Variants in FAM53A observed in about 807,000 individuals in gnomAD.
FAM53A encodes the protein family with sequence similarity 53 member A.
A neutral mutation model predicts 26.6 loss-of-function variants in FAM53A; 28 were observed. That is an observed-to-expected ratio of 1.05 (90% CI 0.78 to 1.45). The LOEUF (loss-of-function observed/expected upper bound fraction) is 1.45, where lower values mean the gene tolerates loss of function less well. Ranked by LOEUF, FAM53A falls within the 40% of genes most tolerant of loss-of-function variation. The pLI is 0.00. For synonymous variants in FAM53A, 290 were observed against 253.1 expected (o/e 1.15, Z -1.38); for missense variants, 650 against 575.8 (o/e 1.13, Z -1.32).
chr4:1,610,925 C>A, the FAM53A span, among the ~76,000 whole-genome samples: 1 of 152,224 alleles, frequency 6.6e-6, no homozygotes, highest in African/African-American at 2.4e-5. Flanking sequence ...CGCAGCACAC[C>A]CGAGGCCCTC....
chr4:1,619,551 C>T (rs1431129447), intron 1 of FAM53A, among the ~76,000 whole-genome samples: 5 of 152,242 alleles, frequency 3.3e-5, no homozygotes, highest in Non-Finnish European at 5.9e-5. Flanking sequence ...CCCTCCCGCA[C>T]CAGGTGCTGG....
chr4:1,630,767 G>A lies in FAM53A; in HGVS notation c.432-12656C>T, dbSNP rs566126444. 2.8e-4 allele frequency among the ~76,000 whole-genome samples: 43 copies of A among 152,256 alleles called. No homozygotes were observed. The highest frequency in any genetic ancestry group is 9.9e-4 in the African/African-American group (41 of 41,552). ...GCCAGGGCAGGGCAGGGTGGGGAGC[G>A]CCCACTCGTGGGGAGGGGGCTCATT... On this transcript the variant is annotated intron_variant, in intron 1 of 1. Coordinates refer to the FAM53A transcript ENST00000489029. This position sits in a 1 kb window ranked among gnomAD's most constrained non-coding sequence, Gnocchi z 4.3.
At chr4:1,655,750 G>C (rs1423695452) in intron 3 of FAM53A, 27 bp from the exon 4 acceptor site, 4 of 1,515,986 alleles carry the variant, frequency 2.6e-6, no homozygotes, top group Non-Finnish European at 3.5e-6. Context: ...AAAGAGGCAG[G>C]GGAAGAGACA....
intron 1 of FAM53A, among the ~76,000 whole-genome samples, chr4:1,670,452 C>A (rs1442183455): frequency 3.3e-5 from 5 of 152,246 alleles, no homozygotes; most frequent in African/African-American, 1.2e-4. Flanking sequence ...GTCCAGGGGA[C>A]TGGGCAGACC....
At chr4:1,622,315 G>A (rs1052903564) in intron 1 of FAM53A, among the ~76,000 whole-genome samples, 2 of 152,218 alleles carry the variant, frequency 1.3e-5, no homozygotes, top group Non-Finnish European at 2.9e-5. Flanking sequence ...CAGAACAAAG[G>A]CGGCTGCTTC....
At chr4:1,647,572 T>C (rs1712355599) in intron 4 of FAM53A, among the ~76,000 whole-genome samples, 1 of 152,026 alleles carries the variant, frequency 6.6e-6, no homozygotes, top group Non-Finnish European at 1.5e-5. Flanking sequence ...CCCTGCAGGG[T>C]GAACACAGTT....
intron 4 of FAM53A, among the ~76,000 whole-genome samples, chr4:1,646,841 C>A (rs1712290890): frequency 6.6e-6 from 1 of 152,194 alleles, no homozygotes; most frequent in Admixed American, 6.5e-5. Flanking sequence ...TCTGCAGCAG[C>A]CTCGGTCTCT....
At chr4:1,594,400 G>A in the FAM53A span, among the ~76,000 whole-genome samples, 1 of 152,120 alleles carries the variant, frequency 6.6e-6, no homozygotes, top group African/African-American at 2.4e-5. Context: ...TTCCCCTCAT[G>A]AAAAAAGGAT....
rs746513666 is a variant in FAM53A, at chr4:1,641,312, T to A, written c.1178A>T (p.Glu393Val). 6.2e-7 allele frequency: 1 copy of A among 1,612,796 alleles called. No individual in the cohort carries two copies. Among genetic ancestry groups the A allele is most frequent in the Non-Finnish European group, 8.5e-7 (1 of 1,179,824 alleles). Residue 393 changes from glutamate (E) to valine (V), a missense_variant, in exon 5 of 5, where the codon GAG (glutamate) becomes GTG (valine). Coordinates refer to ENST00000308132, the MANE Select transcript of FAM53A (RefSeq NM_001174070.3). ...FPRARWELDL[E>V]QIENN ...CCAGCCTCAGTTGTTCTCGATCTGC[T>A]CCAGGTCCAGCTCCCAGCGGGCCCG...
chr4:1,588,094 A>G, the FAM53A span, among the ~76,000 whole-genome samples: 61,626 of 152,148 alleles, frequency 0.41, 12,918 homozygotes, highest in East Asian at 0.56. Flanking sequence ...TAAGTCAGCC[A>G]TCGGCGGCTG....
the FAM53A span, among the ~76,000 whole-genome samples, chr4:1,579,234 G>T: frequency 2.7e-5 from 4 of 148,288 alleles, no homozygotes; most frequent in Non-Finnish European, 6.0e-5. Flanking sequence ...CCCGCCCGAG[G>T]GTCCCAGCCA....
intron 1 of FAM53A, among the ~76,000 whole-genome samples, chr4:1,627,046 G>T (rs748482944): frequency 1.3e-5 from 2 of 152,190 alleles, no homozygotes; most frequent in Admixed American, 6.5e-5. Flanking sequence ...CCAGCCAGAG[G>T]CACAGGACCA....
chr4:1,619,881 C>T (rs536072306), intron 1 of FAM53A, among the ~76,000 whole-genome samples: 34 of 152,308 alleles, frequency 2.2e-4, no homozygotes, highest in East Asian at 2.1e-3. Flanking sequence ...TGTCCTCTCT[C>T]GCCTCATGGT....
At position 1,655,642 on chromosome 4, in the gene FAM53A, G is replaced by C. The variant is rs770489242; in HGVS notation, c.218C>G (p.Pro73Arg). 6.3e-7 allele frequency: 1 copy of C among 1,595,338 alleles called. No homozygotes were observed. The highest frequency in any genetic ancestry group is 8.5e-7 in the Non-Finnish European group (1 of 1,171,992). Reference protein sequence around the residue: ...AATGPDFSFLPGLSAAAHTMG... With the variant: ...AATGPDFSFLRGLSAAAHTMG... ...GGTGTGAGCGGCAGCAGACAGGCCC[G>C]GCAGGAAGGAGAAATCAGGGCCCGT... Residue 73 changes from proline (P) to arginine (R), a missense_variant, in exon 4 of 5, where the codon CCG (proline) becomes CGG (arginine). By Grantham distance (103) the Pro-to-Arg change is moderately radical. Transcript: ENST00000308132.
the FAM53A span, among the ~76,000 whole-genome samples, chr4:1,591,552 AC>A: frequency 6.6e-6 from 1 of 152,146 alleles, no homozygotes. Flanking sequence ...CAACTGCAAC[AC>A]CCCACACAAG....
At position 1,652,302 on chromosome 4, in the gene FAM53A, AAAC is replaced by A. The variant is rs375091479; in HGVS notation, c.882+2673_882+2675del. On this transcript the variant is annotated intron_variant, in intron 4 of 4. Coordinates refer to ENST00000308132, the MANE Select transcript of FAM53A (RefSeq NM_001174070.3). ...AGACACACACATGCCACACACACAC[AAAC>A]ACCACACACGTCACACACACCATAC... is the stretch of plus-strand genomic sequence containing the variant. Among the ~76,000 whole-genome samples the A allele has an allele frequency of 2.6e-3, 377 of 143,756 alleles. 4 individuals carry two copies. Among genetic ancestry groups the A allele is most frequent in the African/African-American group, 9.8e-3 (366 of 37,274 alleles). 94.3% of individuals were successfully genotyped at this position (143,756 alleles called of 152,430 possible).
chr4:1,610,643 C>T, the FAM53A span, among the ~76,000 whole-genome samples: 4 of 150,638 alleles, frequency 2.7e-5, no homozygotes, highest in South Asian at 2.1e-4. Context: ...GGAGGGATTC[C>T]GCGACGTGGG....
chr4:1,612,887 C>A, the FAM53A span, among the ~76,000 whole-genome samples: 2 of 152,224 alleles, frequency 1.3e-5, no homozygotes, highest in African/African-American at 4.8e-5. Flanking sequence ...GCACATGGCA[C>A]CCACTTACAC....
At chr4:1,671,876 A>G (rs1438181864) in intron 1 of FAM53A, among the ~76,000 whole-genome samples, 1 of 152,238 alleles carries the variant, frequency 6.6e-6, no homozygotes, top group East Asian at 1.9e-4. Context: ...TTTATTTTAA[A>G]AACAGGCCTC....
Sources: gnomAD v4.1 joint callset for allele counts (sites outside exome capture counted in the v4.1 genomes callset) on GRCh38, gnomAD v4.1.1 for gene constraint, Gnocchi (gnomAD v3.1) non-coding constraint, MANE v1.5 for transcripts, NCBI Gene and HGNC (gene_info 2026-07-23, HGNC 2026-07-21) for gene names.